UMAD1: variants seen among roughly 807,000 people sequenced by gnomAD.
The protein encoded by UMAD1 is UBAP1-MVB12-associated (UMA)-domain containing protein 1.
A neutral mutation model predicts 6.1 loss-of-function variants in UMAD1; 8 were observed. The observed-to-expected ratio is 1.30, with a 90% CI of 0.76 to 2.35. The LOEUF (loss-of-function observed/expected upper bound fraction) is 2.35. Ranked by LOEUF, UMAD1 falls within the 30% of genes most tolerant of loss-of-function variation. The pLI, the probability that UMAD1 is intolerant of heterozygous loss-of-function variation, is 0.00. For synonymous variants in UMAD1, 56 were observed against 31.4 expected, an observed-to-expected ratio of 1.78 and a Z score of -2.61; for missense variants, 130 against 78.4, an observed-to-expected ratio of 1.66 and a Z score of -2.49.
intron 3 of UMAD1, among the ~76,000 whole-genome samples, chr7:7,826,281 A>G (rs1301758049): frequency 6.6e-6 from 1 of 152,132 alleles, no homozygotes; most frequent in East Asian, 1.9e-4. Flanking sequence ...GCTCCATGAT[A>G]CTAACAGTTT....
At chr7:7,676,358 A>C (rs963243703) in intron 2 of UMAD1, 2 of 391,702 alleles carry the variant, frequency 5.1e-6, no homozygotes, top group Non-Finnish European at 9.0e-6. Flanking sequence ...CTATTATATC[A>C]CCATACACAG....
chr7:7,643,662 A>T (rs1459793772), intron 1 of UMAD1, among the ~76,000 whole-genome samples: 5 of 151,218 alleles, frequency 3.3e-5, no homozygotes, highest in Non-Finnish European at 7.4e-5. Flanking sequence ...CAGTGAGCCG[A>T]GATCGCGCCA....
intron 3 of UMAD1, among the ~76,000 whole-genome samples, chr7:7,857,251 A>G (rs887516213): frequency 2.6e-5 from 4 of 152,184 alleles, no homozygotes; most frequent in African/African-American, 9.7e-5. Context: ...TCCACCCGGG[A>G]GTTTACAACT....
intron 2 of UMAD1, chr7:7,738,794 C>G (rs1781407834): frequency 6.6e-6 from 1 of 152,224 alleles, no homozygotes; most frequent in South Asian, 2.1e-4. Context: ...CAGTAAAGTG[C>G]CAGTGTTTCT....
chr7:7,657,642 G>T (rs1255751242), intron 1 of UMAD1, among the ~76,000 whole-genome samples: 1 of 152,060 alleles, frequency 6.6e-6, no homozygotes, highest in African/African-American at 2.4e-5. Context: ...TATTATTTCT[G>T]AGGGCTCTGT....
At position 7,759,386 on chromosome 7, in the gene UMAD1, C is replaced by T. The variant is rs141790620; in HGVS notation, c.83-42284C>T. The stretch of plus-strand genomic sequence containing the variant: ...CTACATGTGCTGGGTCACCTTCATC[C>T]GGCATCAGCCTGGACAGAGGACTCA... On this transcript the variant is annotated intron_variant, in intron 2 of 3. Coordinates refer to ENST00000682710, the MANE Select transcript of UMAD1 (RefSeq NM_001302348.2). Among the ~76,000 whole-genome samples the T allele has an allele frequency of 2.9e-4, 44 of 152,278 alleles. No individual in the cohort carries two copies. In the East Asian group the frequency reaches 3.3e-3, roughly 11 times the overall value.
intron 2 of UMAD1, among the ~76,000 whole-genome samples, chr7:7,771,667 TACAA>T (rs1463101050): frequency 6.6e-6 from 1 of 152,228 alleles, no homozygotes; most frequent in Non-Finnish European, 1.5e-5. Flanking sequence ...CTTATGTTTC[TACAA>T]ACAATCTTCT....
At chr7:7,837,691 G>A (rs956431964) in intron 3 of UMAD1, among the ~76,000 whole-genome samples, 1 of 148,064 alleles carries the variant, frequency 6.8e-6, no homozygotes, top group African/African-American at 2.5e-5. Context: ...GGGAGACGAA[G>A]CATAACAAGA....
At chr7:7,817,392 A>C (rs915189485) in intron 3 of UMAD1, among the ~76,000 whole-genome samples, 1 of 152,230 alleles carries the variant, frequency 6.6e-6, no homozygotes, top group Admixed American at 6.5e-5. Flanking sequence ...GACAAAAGAC[A>C]GAAGAACTTG....
intron 2 of UMAD1, among the ~76,000 whole-genome samples, chr7:7,776,748 G>A (rs1782215708): frequency 6.6e-6 from 1 of 152,190 alleles, no homozygotes. Flanking sequence ...GGCACAGGAA[G>A]AATCATTTTC....
chr7:7,837,592 T>C lies in UMAD1; in HGVS notation c.156+35849T>C, dbSNP rs1563247888. Reference sequence around the variant, plus strand: ...TAGGGTATTCACTAAAGAAAAGAAATAGTATAACTCTAAACTAGTGGAGAT... The same window carrying C: ...TAGGGTATTCACTAAAGAAAAGAAACAGTATAACTCTAAACTAGTGGAGAT... On this transcript the variant is annotated intron_variant, in intron 3 of 3. Transcript: ENST00000682710. Among the ~76,000 whole-genome samples the C allele has an allele frequency of 2.6e-5, 4 of 151,792 alleles. No homozygotes were observed. The South Asian group carries it at 8.3e-4, about 31-fold the overall frequency.
chr7:7,802,598 T>G (rs1782825295), intron 3 of UMAD1, among the ~76,000 whole-genome samples: 1 of 152,202 alleles, frequency 6.6e-6, no homozygotes, highest in Non-Finnish European at 1.5e-5. Flanking sequence ...ATAATCATCT[T>G]TAAGACTTAA....
intron 2 of UMAD1, chr7:7,742,411 G>C: frequency 1.7e-6 from 1 of 582,830 alleles, no homozygotes; most frequent in Non-Finnish European, 3.4e-6. Flanking sequence ...TGGGCTGCTG[G>C]AAGGTGGGTG....
At position 7,752,532 on chromosome 7, in the gene UMAD1, A is replaced by G. The variant is rs576538416; in HGVS notation, c.83-49138A>G. ...TCATAAAAGAAAAAAATTTTATGAA[A>G]GTTTTCCCAAATTTTACAGTGATCC... On this transcript the variant is annotated intron_variant, in intron 2 of 3. Transcript: ENST00000682710. 3.3e-5 allele frequency among the ~76,000 whole-genome samples: 5 copies of G among 152,236 alleles called. No homozygotes were observed. In the South Asian group the frequency reaches 1.0e-3, roughly 32 times the overall value.
intron 2 of UMAD1, among the ~76,000 whole-genome samples, chr7:7,701,403 T>TTTATATATCTTAAATTAGTAA: frequency 6.6e-6 from 1 of 152,304 alleles, no homozygotes; most frequent in South Asian, 2.1e-4. Context: ...TATGTGACAT[T>TTTATATATCTTAAATTAGTAA]TTATATATCT....
intron 2 of UMAD1, chr7:7,741,949 T>A (rs1781477975): frequency 3.6e-6 from 1 of 274,590 alleles, no homozygotes; most frequent in African/African-American, 2.2e-5. Flanking sequence ...GTTTTATAGT[T>A]ATAGTGTTGA....
At chr7:7,769,271 A>G (rs1278551876) in intron 2 of UMAD1, among the ~76,000 whole-genome samples, 3 of 152,192 alleles carry the variant, frequency 2.0e-5, no homozygotes, top group Non-Finnish European at 2.9e-5. Context: ...AGGGAGACTA[A>G]GTAGCTTTAA....
chr7:7,716,522 C>T (rs927456873), intron 2 of UMAD1, among the ~76,000 whole-genome samples: 2 of 152,244 alleles, frequency 1.3e-5, no homozygotes, highest in African/African-American at 4.8e-5. Context: ...TAAAGGGCCA[C>T]TTGGAAGCCA....
chr7:7,756,927 A>G (rs1781789828), intron 2 of UMAD1, among the ~76,000 whole-genome samples: 1 of 152,178 alleles, frequency 6.6e-6, no homozygotes. Flanking sequence ...TGGCACTGCT[A>G]CAGTGTGTGG....
Sources: allele counts gnomAD v4.1 joint callset (sites outside exome capture counted in the v4.1 genomes callset), GRCh38; gene constraint gnomAD v4.1.1; transcripts MANE v1.5; gene names NCBI Gene and HGNC (gene_info 2026-07-23, HGNC 2026-07-21).